The following SPATA3 variants were observed in gnomAD, a reference collection of about 807,000 sequenced individuals.
SPATA3 encodes spermatogenesis-associated protein 3.
SPATA3 carries 6 observed loss-of-function variants against 5.7 expected under a neutral mutation model. The observed-to-expected ratio is 1.06, with a 90% confidence interval of 0.58 to 2.09. SPATA3 has a LOEUF of 2.09. SPATA3 is among the 30% of genes most tolerant of loss of function. SPATA3 has a pLI of 0.00. For synonymous variants in SPATA3, 44 were observed against 48.4 expected, an observed-to-expected ratio of 0.91 and a Z score of 0.37; for missense variants, 155 against 130.4, an observed-to-expected ratio of 1.19 and a Z score of -0.92.
At chr2:231,001,901 A>G (rs1399355505) in intron 2 of SPATA3, among the ~76,000 whole-genome samples, 1 of 152,202 alleles carries the variant, frequency 6.6e-6, no homozygotes, top group Non-Finnish European at 1.5e-5. Context: ...CTCCAACAGG[A>G]ACCTCTGAAA....
intron 6 of SPATA3, among the ~76,000 whole-genome samples, chr2:231,015,543 A>C (rs968943265): frequency 6.6e-6 from 1 of 152,274 alleles, no homozygotes; most frequent in African/African-American, 2.4e-5. Context: ...TCCTAGAGGC[A>C]AGAGGAGGCA....
downstream of SPATA3, chr2:231,002,833 T>C: frequency 7.8e-7 from 1 of 1,277,994 alleles, no homozygotes. Flanking sequence ...GGCAGGTATG[T>C]TGAGCGCTCT....
At chr2:230,998,588 T>A (rs1692223203) in intron 1 of SPATA3, among the ~76,000 whole-genome samples, 1 of 152,168 alleles carries the variant, frequency 6.6e-6, no homozygotes, top group Non-Finnish European at 1.5e-5. Context: ...GAAAGGAATG[T>A]TGGAGATGAA....
rs749712082 is a variant in SPATA3 at position 231,016,506 on chromosome 2, C to CAAAA, written c.*565+2309_*565+2312dup. ...TCAACATGGTGAAACCCTGTCTCTA[C>CAAAA]AAAAAAAAAAAAAAAAAAGAAGAAG... On this transcript the variant is annotated intron_variant, in intron 6 of 8. Transcript: ENST00000452881. 9.5e-3 allele frequency among the ~76,000 whole-genome samples: 667 copies of CAAAA among 69,958 alleles called. 12 individuals carry two copies. The highest frequency in any genetic ancestry group is 0.014 in the Non-Finnish European group (466 of 33,932). The allele number at this position is 69,958 out of a possible 152,430, so 45.9% of individuals were successfully genotyped here.
downstream of SPATA3, chr2:231,002,852 G>A (rs545678982): frequency 1.0e-4 from 113 of 1,100,718 alleles, no homozygotes; most frequent in African/African-American, 1.5e-3. Flanking sequence ...CTGTCCCTTC[G>A]AATGGAGGTG....
chr2:231,006,054 G>C (rs937780767), downstream of SPATA3, among the ~76,000 whole-genome samples: 7 of 151,680 alleles, frequency 4.6e-5, no homozygotes, highest in African/African-American at 1.7e-4. Flanking sequence ...AATTAGCCAG[G>C]CATGGTCGTA....
chr2:231,005,202 TCACCATCATCAC>T (rs1559197490), downstream of SPATA3, among the ~76,000 whole-genome samples: 7 of 100,746 alleles, frequency 6.9e-5, no homozygotes, highest in South Asian at 7.1e-4. Context: ...ATCTTCACCA[TCACCATCATCAC>T]CACCATCATC....
downstream of SPATA3, among the ~76,000 whole-genome samples, chr2:231,003,879 G>C (rs1312774703): frequency 6.6e-6 from 1 of 152,166 alleles, no homozygotes; most frequent in Non-Finnish European, 1.5e-5. Flanking sequence ...TTATTGTGAG[G>C]CTTGAAGAAG....
chr2:231,016,241 G>A (rs1290487336), intron 6 of SPATA3, among the ~76,000 whole-genome samples: 3 of 152,132 alleles, frequency 2.0e-5, no homozygotes, highest in Non-Finnish European at 4.4e-5. Context: ...CAGGGACCCT[G>A]GGCCTGCCTG....
downstream of SPATA3, among the ~76,000 whole-genome samples, chr2:231,005,469 CCATCAT>C (rs1692573107): frequency 1.2e-5 from 1 of 82,514 alleles, no homozygotes; most frequent in African/African-American, 4.7e-5. Context: ...ACCACCACCA[CCATCAT>C]CACCACCACC....
downstream of SPATA3, among the ~76,000 whole-genome samples, chr2:231,004,362 C>T (rs1421450199): frequency 6.6e-6 from 1 of 152,152 alleles, no homozygotes; most frequent in Non-Finnish European, 1.5e-5. Flanking sequence ...GGTCCCGTTG[C>T]TGTTGTCAAC....
At chr2:230,998,634 A>G (rs1023287963) in intron 1 of SPATA3, among the ~76,000 whole-genome samples, 1 of 152,256 alleles carries the variant, frequency 6.6e-6, no homozygotes, top group Non-Finnish European at 1.5e-5. Flanking sequence ...GCCATTTTCT[A>G]AAATCCAAGC....
chr2:231,005,256 TCATCATTAC>T (rs1692534469), downstream of SPATA3, among the ~76,000 whole-genome samples: 2 of 33,134 alleles, frequency 6.0e-5, no homozygotes, highest in African/African-American at 1.2e-4. Context: ...ATCACCACCA[TCATCATTAC>T]CATCATCACC....
At chr2:231,011,614 C>A (rs1692790835), downstream of SPATA3, among the ~76,000 whole-genome samples, 1 of 151,478 alleles carries the variant, frequency 6.6e-6, no homozygotes, top group African/African-American at 2.4e-5. Flanking sequence ...CAGCCACCCT[C>A]CCACTGGCCA....
At chr2:231,005,122 C>A (rs1692511355), downstream of SPATA3, among the ~76,000 whole-genome samples, 1 of 131,700 alleles carries the variant, frequency 7.6e-6, no homozygotes. Context: ...TCATCACCAC[C>A]ACCATCATCA....
At chr2:231,007,650 G>T (rs1332987945), downstream of SPATA3, among the ~76,000 whole-genome samples, 1 of 152,248 alleles carries the variant, frequency 6.6e-6, no homozygotes, top group Admixed American at 6.5e-5. Context: ...CTGTGCCCAG[G>T]AACACTGTCT....
intron 2 of SPATA3, among the ~76,000 whole-genome samples, chr2:231,001,740 A>T (rs540933981): frequency 6.6e-6 from 1 of 152,356 alleles, no homozygotes; most frequent in South Asian, 2.1e-4. Context: ...GAGGGAAACC[A>T]GAACAGGGAA....
exon 2 of SPATA3, chr2:231,000,367 G>A (rs1353205794): frequency 4.0e-6 from 6 of 1,494,604 alleles, no homozygotes; most frequent in Non-Finnish European, 5.4e-6. Context: ...TCCCCACAGG[G>A]CCTCTGATTC....
At chr2:231,002,891 T>A, downstream of SPATA3, 2 of 721,192 alleles carry the variant, frequency 2.8e-6, no homozygotes, top group Non-Finnish European at 4.1e-6. Flanking sequence ...AGCCCCGGCC[T>A]CTCAAGGGAA....
Sources: allele counts gnomAD v4.1 joint callset (sites outside exome capture counted in the v4.1 genomes callset), GRCh38; gene constraint gnomAD v4.1.1; transcripts MANE v1.5; gene names NCBI Gene and HGNC (gene_info 2026-07-23, HGNC 2026-07-21).